The following HPS1 variants were observed in gnomAD, a reference collection of about 807,000 sequenced individuals.
The protein encoded by HPS1 is HPS1 biogenesis of lysosomal organelles complex 3 subunit 1, also known as BLOC-3 complex member HPS1.
A neutral mutation model predicts 90.6 loss-of-function variants in HPS1; 59 were observed. The ratio of observed to expected loss-of-function variants is 0.65; its 90% CI spans 0.53 to 0.81. The LOEUF is 0.81. Ranked by LOEUF, HPS1 falls within the 30% of genes least tolerant of loss-of-function variation. The pLI is 0.00. For synonymous variants in HPS1, 388 were observed against 384.4 expected, an observed-to-expected ratio of 1.01 and a Z score of -0.11; for missense variants, 849 against 896.7, an observed-to-expected ratio of 0.95 and a Z score of 0.68.
At chr10:98,425,169 GC>G (rs1845431139) in intron 13 of HPS1, among the ~76,000 whole-genome samples, 2 of 152,232 alleles carry the variant, frequency 1.3e-5, no homozygotes, top group Admixed American at 1.3e-4. Context: ...CAGCCCCGCT[GC>G]AGAGAGGAAG....
intron 17 of HPS1, among the ~76,000 whole-genome samples, chr10:98,421,503 A>G (rs1019814709): frequency 1.3e-5 from 2 of 152,236 alleles, no homozygotes; most frequent in Non-Finnish European, 2.9e-5. Flanking sequence ...TAATGGCATG[A>G]GGGAAAGCAT....
At position 98,435,337 on chromosome 10, in the gene HPS1, C is replaced by A. The variant is rs1278390899; in HGVS notation, c.333G>T (p.Val111=). 9.3e-6 allele frequency: 15 copies of A among 1,613,830 alleles called. No homozygotes were observed. The highest frequency in any genetic ancestry group is 1.7e-5 in the Admixed American group (1 of 59,978). ...AGTGCACTTCAAACAGGTACTTGAGCACATACAGCTTCCGCCGCAGGTCCC... is the reference window on the plus strand; with the variant it reads ...AGTGCACTTCAAACAGGTACTTGAGAACATACAGCTTCCGCCGCAGGTCCC... ...SEGDLRRKLY[V]LKYLFEVHFG... The change falls in exon 5 of 20, where the codon GTG becomes GTT. Residue 111 remains valine, a synonymous_variant. Transcript: ENST00000361490. The surrounding 1 kb of genome is among the most constrained non-coding windows in gnomAD (Gnocchi z 4.3).
intron 6 of HPS1, among the ~76,000 whole-genome samples, chr10:98,433,375 C>T (rs1591106303): frequency 6.6e-6 from 1 of 152,176 alleles, no homozygotes; most frequent in East Asian, 1.9e-4. Flanking sequence ...ATGAAAACCA[C>T]TGCTTGAAAG....
At chr10:98,418,541 G>A (rs1844423769) in intron 18 of HPS1, among the ~76,000 whole-genome samples, 1 of 152,240 alleles carries the variant, frequency 6.6e-6, no homozygotes, top group South Asian at 2.1e-4. Context: ...GCACCCTGCA[G>A]GGCTGTCATA....
At position 98,417,543 on chromosome 10, in the gene HPS1, G is replaced by A. The variant is rs2136077454; in HGVS notation, c.*21C>T. On this transcript the variant is annotated 3_prime_UTR_variant, in exon 20 of 20. Transcript: ENST00000361490. The surrounding 1 kb of genome is among the most constrained non-coding windows in gnomAD (Gnocchi z 4.2). ...GGTGGCTGGAGGACAGGATGCAAAG[G>A]CAGACTGCGGCCACCTTGGCCTAGA... 2 of 1,602,942 alleles carry A rather than the reference G, an allele frequency of 1.2e-6. No individual in the cohort carries two copies. Among genetic ancestry groups the A allele is most frequent in the Non-Finnish European group, 1.7e-6 (2 of 1,174,588 alleles).
chr10:98,441,847 A>C (rs897253877), intron 3 of HPS1, among the ~76,000 whole-genome samples: 1 of 152,218 alleles, frequency 6.6e-6, no homozygotes, highest in Non-Finnish European at 1.5e-5. Flanking sequence ...GTTGGTGAGG[A>C]TATGGAGGAA....
At chr10:98,433,626 C>T (rs1048927067) in intron 6 of HPS1, among the ~76,000 whole-genome samples, 7 of 152,080 alleles carry the variant, frequency 4.6e-5, no homozygotes, top group African/African-American at 1.4e-4. Flanking sequence ...GGGAATCTTG[C>T]CTTTAGCGCT....
downstream of HPS1, chr10:98,415,270 A>G: frequency 8.2e-7 from 1 of 1,220,516 alleles, no homozygotes; most frequent in Non-Finnish European, 1.1e-6. Context: ...CCCCTCCACC[A>G]TGCATTCTTG....
rs768886006 is a variant in HPS1 at position 98,429,912 on chromosome 10, T to A, written c.769-23A>T. The A allele has an allele frequency of 8.1e-6, 13 of 1,598,946 alleles. 1 individual carries two copies. In the Middle Eastern group the frequency reaches 2.0e-3, roughly 248 times the overall value. ...AGGCTGTGCAGGGCAGGGGAGAGGC[T>A]GGTTAGCTCCTATCTGACCTGGCTC... On this transcript the variant is annotated intron_variant, in intron 8 of 19. Transcript: ENST00000361490.
chr10:98,435,366 C>A lies in HPS1; in HGVS notation c.304G>T (p.Glu102Ter), dbSNP rs778117442. The A allele has an allele frequency of 1.2e-6, 2 of 1,614,054 alleles. No individual in the cohort carries two copies. The highest frequency in any genetic ancestry group is 1.7e-5 in the Admixed American group (1 of 60,024). ...IAINGDHTES[E>*]GDLRRKLYVL... ...TACAGCTTCCGCCGCAGGTCCCCCT[C>A]GCTCTCGGTGTGGTCACCATTGATG... is the stretch of plus-strand genomic sequence containing the variant. The change falls in exon 5 of 20, where the codon GAG (glutamate) becomes TAG (stop). Residue 102 changes from glutamate to a stop codon, truncating the protein, a stop_gained. Transcript: ENST00000361490. LOFTEE classifies it high-confidence loss of function. This position sits in a 1 kb window ranked among gnomAD's most constrained non-coding sequence, Gnocchi z 4.3.
rs369921299 is a variant in HPS1, at chr10:98,426,035, C to T, written c.988-50G>A. On this transcript the variant is annotated intron_variant, in intron 11 of 19. Coordinates refer to ENST00000361490, the MANE Select transcript of HPS1 (RefSeq NM_000195.5). The stretch of plus-strand genomic sequence containing the variant: ...GAGAGGTGGGATCCCTAAGTTGGAC[C>T]CACCCATTGCGGCCCTATCTGTGAA... 6.2e-4 allele frequency: 951 copies of T among 1,531,052 alleles called. No individual in the cohort carries two copies. The highest frequency in any genetic ancestry group is 3.1e-3 in the Middle Eastern group (16 of 5,170). The allele number at this position is 1,531,052 out of a possible 1,614,324, so 94.8% of individuals were successfully genotyped here. A position where few individuals can be genotyped will look rare whatever the true frequency, so the allele number is the denominator to read the frequency against.
Position 98,429,832 on chromosome 10 carries a change from G to A in HPS1, c.826C>T (p.Pro276Ser). 6.2e-7 allele frequency: 1 copy of A among 1,613,704 alleles called. No homozygotes were observed. The highest frequency in any genetic ancestry group is 1.6e-4 in the Middle Eastern group (1 of 6,062). ...QNIPVQQAWSPHSTGPTGGSS... is the reference protein window; with the variant it reads ...QNIPVQQAWSSHSTGPTGGSS... ...CCCCCAGTTGGGCCCGTGGAGTGAG[G>A]GCTCCAGGCCTGCTGCACGGGGATG... Residue 276 changes from proline to serine, a missense_variant, in exon 9 of 20, where the codon CCT (proline) becomes TCT (serine). Pro to Ser is a moderately conservative substitution (Grantham distance 74, BLOSUM62 -1). Transcript: ENST00000361490.
rs1435594100 is a variant in HPS1 at position 98,425,615 on chromosome 10, A to C, written c.1261T>G (p.Ser421Ala). ...CGCAGGTCTCCCACGAGGGGCTGGG[A>C]GCGCAGGGAGGCCCCGGGCTCCGGC... is the stretch of plus-strand genomic sequence containing the variant. ...EGPEPGASLR[S>A]QPLVGDLRQR... The change falls in exon 13 of 20, where the codon TCC (serine) becomes GCC (alanine). Residue 421 changes from serine (S) to alanine (A), a missense_variant. Ser to Ala is a moderately conservative substitution (Grantham distance 99). Coordinates refer to ENST00000361490, the MANE Select transcript of HPS1 (RefSeq NM_000195.5). 1 of 1,613,842 alleles carries C rather than the reference A, an allele frequency of 6.2e-7. No individual in the cohort carries two copies. Among genetic ancestry groups the C allele is most frequent in the Non-Finnish European group, 8.5e-7 (1 of 1,179,946 alleles).
rs377752969 is a variant in HPS1, at chr10:98,430,650, C to T, written c.689G>A (p.Arg230His). 4.2e-5 allele frequency: 65 copies of T among 1,554,162 alleles called. No homozygotes were observed. In the Middle Eastern group the frequency reaches 1.4e-3, roughly 32 times the overall value. The change falls in exon 8 of 20, where the codon CGC (arginine) becomes CAC (histidine). Residue 230 changes from arginine to histidine, a missense_variant. Arg to His is a conservative substitution (Grantham distance 29). Transcript: ENST00000361490. The stretch of plus-strand genomic sequence containing the variant: ...GATGAGGGCAAGCAGGTCGGCCGGG[C>T]GCAGGGAGCTGGCACTGTGGCTGCA... The part of the protein sequence containing the change: ...FYSSHSASSL[R>H]PADLLALILL...
chr10:98,444,857 T>C (rs1232021184), intron 2 of HPS1, among the ~76,000 whole-genome samples: 2 of 152,136 alleles, frequency 1.3e-5, no homozygotes, highest in Admixed American at 1.3e-4. Flanking sequence ...CGGGTGGACC[T>C]GAAGAGGCTG....
intron 11 of HPS1, among the ~76,000 whole-genome samples, chr10:98,426,542 T>A (rs1845624552): frequency 6.6e-6 from 1 of 152,192 alleles, no homozygotes; most frequent in African/African-American, 2.4e-5. Context: ...TTCAGTGTCA[T>A]ACCTAACAGC....
In HPS1 at chr10:98,435,776, C is replaced by A; in HGVS notation, c.118-4G>T. On this transcript the variant is annotated splice_region_variant and splice_polypyrimidine_tract_variant and intron_variant, in intron 3 of 19. Coordinates refer to ENST00000361490, the MANE Select transcript of HPS1 (RefSeq NM_000195.5). The surrounding 1 kb of genome is among the most constrained non-coding windows in gnomAD (Gnocchi z 4.3). ...GCTGGTCCTCCAGGGCAGGGAGCTGCAAAAATGGGGGAAAATTTCACAGCT... is the reference window on the plus strand; with the variant it reads ...GCTGGTCCTCCAGGGCAGGGAGCTGAAAAAATGGGGGAAAATTTCACAGCT... 6.2e-7 allele frequency: 1 copy of A among 1,613,784 alleles called. No individual in the cohort carries two copies. Among genetic ancestry groups the A allele is most frequent in the Non-Finnish European group, 8.5e-7 (1 of 1,179,908 alleles).
At chr10:98,428,210 G>C (rs1845865723) in intron 10 of HPS1, among the ~76,000 whole-genome samples, 1 of 152,218 alleles carries the variant, frequency 6.6e-6, no homozygotes, top group Non-Finnish European at 1.5e-5. Flanking sequence ...GGGGGTCCTA[G>C]GCTTCTAGCC....
intron 9 of HPS1, 27 bp downstream of exon 9, chr10:98,429,762 CCT>C (rs1277328940): frequency 1.2e-6 from 2 of 1,613,378 alleles, no homozygotes; most frequent in Non-Finnish European, 1.7e-6. Context: ...CCCTCCTGCC[CCT>C]GACTCCACGA....
Sources: allele counts gnomAD v4.1 joint callset (sites outside exome capture counted in the v4.1 genomes callset), GRCh38; gene constraint gnomAD v4.1.1; non-coding constraint Gnocchi (gnomAD v3.1); transcripts MANE v1.5; gene names NCBI Gene and HGNC (gene_info 2026-07-23, HGNC 2026-07-21).